The following PTPRG variants were observed in gnomAD, a reference collection of about 807,000 sequenced individuals.
The protein encoded by PTPRG is receptor-type tyrosine-protein phosphatase gamma.
In PTPRG, 102 loss-of-function variants were observed where a neutral mutation model predicts 165.3. The observed-to-expected ratio is 0.62, with a 90% CI of 0.53 to 0.73. PTPRG has a LOEUF of 0.73. Among genes scored for constraint, PTPRG ranks in the 30% least tolerant of loss-of-function variants. The pLI, the probability that PTPRG is intolerant of heterozygous loss-of-function variation, is 0.00. For missense variants in PTPRG, 1,866 were observed against 1,861.4 expected, an observed-to-expected ratio of 1.00 and a Z score of -0.05; for synonymous variants, 675 against 669.5, an observed-to-expected ratio of 1.01 and a Z score of -0.13.
rs1575793984 is a variant in PTPRG at position 61,928,232 on chromosome 3, T to G, written c.191-61393T>G. ...ATACCTTGTTTCTTTCTCCTTCTTA[T>G]GAGTTGGGAACATGCCCAAGAAACC... is the stretch of plus-strand genomic sequence containing the variant. On this transcript the variant is annotated intron_variant, in intron 2 of 29. Coordinates refer to ENST00000474889, the MANE Select transcript of PTPRG (RefSeq NM_002841.4). Among the ~76,000 whole-genome samples the G allele has an allele frequency of 2.6e-5, 4 of 152,328 alleles. No homozygotes were observed. In the South Asian group the frequency reaches 8.3e-4, roughly 32 times the overall value.
chr3:62,288,410 C>A (rs189178578), intron 28 of PTPRG, among the ~76,000 whole-genome samples: 3 of 152,162 alleles, frequency 2.0e-5, no homozygotes, highest in Non-Finnish European at 4.4e-5. Flanking sequence ...CACGGTGACT[C>A]ACACCTATAA....
chr3:61,748,435 A>C (rs531431200), intron 1 of PTPRG, among the ~76,000 whole-genome samples: 26 of 152,340 alleles, frequency 1.7e-4, no homozygotes, highest in African/African-American at 5.3e-4. Context: ...GAGGGTCTTT[A>C]CACACAGGTT....
At chr3:61,830,760 G>C (rs2036264251) in intron 2 of PTPRG, among the ~76,000 whole-genome samples, 1 of 151,968 alleles carries the variant, frequency 6.6e-6, no homozygotes, top group Non-Finnish European at 1.5e-5. Flanking sequence ...TTTTAGTAGA[G>C]ATGGGGATTC....
Position 62,018,361 on chromosome 3 carries a change from A to G in PTPRG, c.519+14864A>G, listed in dbSNP as rs2041601643. Among the ~76,000 whole-genome samples the G allele has an allele frequency of 2.0e-5, 3 of 152,346 alleles. No individual in the cohort carries two copies. The South Asian group carries it at 6.2e-4, about 32-fold the overall frequency. ...TCAGATAAAAAGCCGTGCATCTTTA[A>G]TGTGGATATGATGCCTCTCCATTGT... is the stretch of plus-strand genomic sequence containing the variant. On this transcript the variant is annotated intron_variant, in intron 4 of 29. Coordinates refer to ENST00000474889, the MANE Select transcript of PTPRG (RefSeq NM_002841.4).
At chr3:61,780,514 T>C (rs1026932139) in intron 2 of PTPRG, among the ~76,000 whole-genome samples, 3 of 152,208 alleles carry the variant, frequency 2.0e-5, no homozygotes, top group South Asian at 4.1e-4. Context: ...ATTTAAAAAT[T>C]GGGGATTTTA....
intron 5 of PTPRG, among the ~76,000 whole-genome samples, chr3:62,091,080 A>C (rs1559493894): frequency 6.6e-6 from 1 of 152,268 alleles, no homozygotes; most frequent in Non-Finnish European, 1.5e-5. Context: ...GATGATAATT[A>C]GCAACGACTA....
chr3:61,602,242 C>T (rs1014875505), intron 1 of PTPRG, among the ~76,000 whole-genome samples: 19 of 151,972 alleles, frequency 1.3e-4, no homozygotes, highest in Non-Finnish European at 4.4e-5. Flanking sequence ...ACCTGTCTTG[C>T]TCACTTGGGT....
chr3:61,663,191 A>G lies in PTPRG; in HGVS notation c.86-85687A>G, dbSNP rs79645374. ...TAAAAAATAAAATTAAAAATAAAAG[A>G]GCAATGTCGTTGGCATCCCATTCAT... On this transcript the variant is annotated intron_variant, in intron 1 of 29. Coordinates refer to ENST00000474889, the MANE Select transcript of PTPRG (RefSeq NM_002841.4). Among the ~76,000 whole-genome samples the G allele has an allele frequency of 2.3e-3, 356 of 151,992 alleles. 5 individuals are homozygous for G. Among genetic ancestry groups the G allele is most frequent in the East Asian group, 0.019 (97 of 5,174 alleles).
At chr3:61,941,756 T>C (rs1159267579) in intron 2 of PTPRG, among the ~76,000 whole-genome samples, 3 of 152,234 alleles carry the variant, frequency 2.0e-5, no homozygotes, top group Non-Finnish European at 1.5e-5. Context: ...ACAGTTTTTT[T>C]CATTCTTAAG....
chr3:62,065,858 A>G (rs997583045), intron 4 of PTPRG, among the ~76,000 whole-genome samples: 3 of 152,214 alleles, frequency 2.0e-5, no homozygotes, highest in African/African-American at 7.2e-5. Context: ...AACCTTAAAA[A>G]TACTTCACTG....
At chr3:61,854,540 A>T (rs1467715020) in intron 2 of PTPRG, among the ~76,000 whole-genome samples, 1 of 152,202 alleles carries the variant, frequency 6.6e-6, no homozygotes, top group Non-Finnish European at 1.5e-5. Context: ...ATATTCATGG[A>T]CATATGAATA....
At chr3:61,963,946 CAT>C (rs1382608398) in intron 2 of PTPRG, among the ~76,000 whole-genome samples, 1 of 151,764 alleles carries the variant, frequency 6.6e-6, no homozygotes, top group Non-Finnish European at 1.5e-5. Flanking sequence ...GTATTCTAAA[CAT>C]GTGGTTTCAG....
At chr3:62,085,250 G>A (rs1386392078) in intron 5 of PTPRG, among the ~76,000 whole-genome samples, 1 of 152,220 alleles carries the variant, frequency 6.6e-6, no homozygotes, top group Non-Finnish European at 1.5e-5. Context: ...CTAGATGGCT[G>A]TGTAAGCGTC....
intron 4 of PTPRG, among the ~76,000 whole-genome samples, chr3:62,023,962 T>C (rs1337940446): frequency 6.6e-6 from 1 of 152,148 alleles, no homozygotes; most frequent in Non-Finnish European, 1.5e-5. Context: ...TCTTAGGATG[T>C]ATCCTAATTG....
chr3:61,894,259 G>T (rs1437840555), intron 2 of PTPRG, among the ~76,000 whole-genome samples: 1 of 120,022 alleles, frequency 8.3e-6, no homozygotes, highest in African/African-American at 3.1e-5. Context: ...CCAAGATTGT[G>T]CCACTTCACT....
At chr3:61,705,630 C>G (rs1037135020) in intron 1 of PTPRG, among the ~76,000 whole-genome samples, 3 of 152,158 alleles carry the variant, frequency 2.0e-5, no homozygotes, top group Non-Finnish European at 4.4e-5. Context: ...TTAAATGAAT[C>G]AGGTGTTATG....
At chr3:62,029,488 G>C (rs986612) in intron 4 of PTPRG, among the ~76,000 whole-genome samples, 63,408 of 152,062 alleles carry the variant, frequency 0.42, 14,727 homozygotes, top group African/African-American at 0.63. Context: ...TATTTATGAA[G>C]AAGTCAAAAT....
intron 2 of PTPRG, among the ~76,000 whole-genome samples, chr3:61,766,853 C>G (rs949037157): frequency 1.3e-5 from 2 of 151,808 alleles, no homozygotes; most frequent in Non-Finnish European, 2.9e-5. Flanking sequence ...CTCCTGATCT[C>G]AAATGATCTG....
intron 1 of PTPRG, among the ~76,000 whole-genome samples, chr3:61,680,199 A>G (rs1703382726): frequency 6.6e-6 from 1 of 152,110 alleles, no homozygotes; most frequent in Non-Finnish European, 1.5e-5. Flanking sequence ...GTCCAAGTGT[A>G]ATTATTAACA....
Sources: gnomAD v4.1 joint callset for allele counts (sites outside exome capture counted in the v4.1 genomes callset) on GRCh38, gnomAD v4.1.1 for gene constraint, MANE v1.5 for transcripts, NCBI Gene and HGNC (gene_info 2026-07-23, HGNC 2026-07-21) for gene names.